RELN: variants seen among roughly 807,000 people sequenced by gnomAD.
RELN encodes the protein reelin.
RELN carries 108 observed loss-of-function variants against 427.6 expected under a neutral mutation model. That is an observed-to-expected ratio of 0.25 (90% CI 0.22 to 0.30). RELN has a LOEUF of 0.30. RELN is among the 10% of genes least tolerant of loss of function. The pLI is 1.00. For missense variants in RELN, 3,715 were observed against 4,302.8 expected (o/e 0.86, Z 3.82); for synonymous variants, 1,524 against 1,513.4 (o/e 1.01, Z -0.16).
chr7:103,905,093 G>C (rs1420948266), intron 2 of RELN, among the ~76,000 whole-genome samples: 2 of 144,442 alleles, frequency 1.4e-5, no homozygotes, highest in Non-Finnish European at 3.0e-5. Flanking sequence ...TGATTCTCCT[G>C]TCTCAGCCTC....
intron 3 of RELN, among the ~76,000 whole-genome samples, chr7:103,813,158 C>A (rs752615860): frequency 5.3e-5 from 8 of 151,972 alleles, no homozygotes; most frequent in Non-Finnish European, 1.0e-4. Flanking sequence ...ACTGGAAACC[C>A]TTTCTCTTTC....
At chr7:103,649,088 T>C (rs977948745) in intron 16 of RELN, among the ~76,000 whole-genome samples, 1 of 152,026 alleles carries the variant, frequency 6.6e-6, no homozygotes, top group African/African-American at 2.4e-5. Context: ...CTACTGAGTA[T>C]CTACCCAAAG....
chr7:103,885,910 C>A (rs569408734), intron 2 of RELN, among the ~76,000 whole-genome samples: 1 of 152,122 alleles, frequency 6.6e-6, no homozygotes, highest in South Asian at 2.1e-4. Flanking sequence ...ATAACTTAAA[C>A]ATTTAATGTC....
chr7:103,640,540 T>C lies in RELN; in HGVS notation c.2069+3A>G, dbSNP rs780911548. 3.1e-6 allele frequency: 5 copies of C among 1,613,778 alleles called. No individual in the cohort carries two copies. Among genetic ancestry groups the C allele is most frequent in the Non-Finnish European group, 4.2e-6 (5 of 1,179,802 alleles). Reference sequence around the variant, plus strand: ...AGCATAAGTGTTATTTTAAGATGCTTACTTGCAACCATGTCTAGTGCACTG... The same window carrying C: ...AGCATAAGTGTTATTTTAAGATGCTCACTTGCAACCATGTCTAGTGCACTG... On this transcript the variant is annotated splice_donor_region_variant and intron_variant, in intron 17 of 64. Coordinates refer to ENST00000428762, the MANE Select transcript of RELN (RefSeq NM_005045.4). This position sits in a 1 kb window ranked among gnomAD's most constrained non-coding sequence, Gnocchi z 4.1.
intron 1 of RELN, among the ~76,000 whole-genome samples, chr7:103,932,685 A>G (rs1036181216): frequency 6.6e-6 from 1 of 152,200 alleles, no homozygotes; most frequent in East Asian, 1.9e-4. Flanking sequence ...CTTCACTGAC[A>G]TAGGATTCCC....
At chr7:103,751,329 C>A (rs757527814) in intron 5 of RELN, among the ~76,000 whole-genome samples, 25 of 152,006 alleles carry the variant, frequency 1.6e-4, no homozygotes, top group Non-Finnish European at 3.4e-4. Context: ...AAATTACTTC[C>A]CAATATCAGG....
At chr7:103,511,032 G>C (rs1829393573) in intron 50 of RELN, 27 bp from the exon 51 acceptor site, 1 of 1,592,506 alleles carries the variant, frequency 6.3e-7, no homozygotes, top group African/African-American at 1.3e-5. Context: ...AAAATTTTAT[G>C]ACAAATTTGT....
chr7:103,916,801 A>C (rs1028224123), intron 2 of RELN, among the ~76,000 whole-genome samples: 3 of 152,124 alleles, frequency 2.0e-5, no homozygotes, highest in African/African-American at 7.2e-5. Context: ...AGAATATGGA[A>C]ATTTACATGA....
Position 103,585,974 on chromosome 7 carries a change from C to T in RELN, c.4145+3622G>A, listed in dbSNP as rs185272416. 6.6e-4 allele frequency among the ~76,000 whole-genome samples: 100 copies of T among 152,148 alleles called. 1 individual carries two copies. The highest frequency in any genetic ancestry group is 2.2e-3 in the African/African-American group (92 of 41,498). On this transcript the variant is annotated intron_variant, in intron 28 of 64. Coordinates refer to ENST00000428762, the MANE Select transcript of RELN (RefSeq NM_005045.4). Reference sequence around the variant, plus strand: ...AAAAACATATGATCATTTCAATAAACGCAGAAAGAGCATTAGATAAAATCC... The same window carrying T: ...AAAAACATATGATCATTTCAATAAATGCAGAAAGAGCATTAGATAAAATCC...
chr7:103,571,753 T>G (rs1288486112), intron 31 of RELN, among the ~76,000 whole-genome samples: 3 of 152,212 alleles, frequency 2.0e-5, no homozygotes, highest in Non-Finnish European at 4.4e-5. Flanking sequence ...CTGCTCCTCC[T>G]ACACAAGGAT....
intron 1 of RELN, among the ~76,000 whole-genome samples, chr7:103,964,160 AAATAAT>A (rs950016844): frequency 6.6e-5 from 10 of 151,930 alleles, no homozygotes; most frequent in East Asian, 1.9e-4. Flanking sequence ...CCCTGTCTCG[AAATAAT>A]AATAATAATA....
chr7:103,591,170 A>ATCAC (rs1338460276), intron 27 of RELN, among the ~76,000 whole-genome samples: 1 of 152,258 alleles, frequency 6.6e-6, no homozygotes, highest in East Asian at 1.9e-4. Flanking sequence ...ATTACCTGCC[A>ATCAC]TCTTATATGA....
At chr7:103,758,244 G>C (rs765953376) in intron 4 of RELN, among the ~76,000 whole-genome samples, 3 of 152,236 alleles carry the variant, frequency 2.0e-5, no homozygotes, top group African/African-American at 7.2e-5. Context: ...CAAGTAACTG[G>C]ACTGAATTGG....
chr7:103,516,796 A>C (rs778494700), intron 49 of RELN, among the ~76,000 whole-genome samples: 3 of 151,926 alleles, frequency 2.0e-5, no homozygotes, highest in Non-Finnish European at 4.4e-5. Flanking sequence ...TTGTTTATAC[A>C]GTATCTCCAT....
intron 20 of RELN, among the ~76,000 whole-genome samples, chr7:103,621,266 C>G (rs113732154): frequency 2.2e-3 from 333 of 152,256 alleles, no homozygotes; most frequent in African/African-American, 7.7e-3. Flanking sequence ...TCTCAGCATA[C>G]TCAGGAATCT....
At chr7:103,574,034 C>T (rs767441668) in intron 30 of RELN, 58 bp downstream of exon 30, 3 of 1,295,692 alleles carry the variant, frequency 2.3e-6, no homozygotes, top group Non-Finnish European at 3.4e-6. Flanking sequence ...TTAAGTTAGA[C>T]TACATCGTGT....
chr7:103,573,415 G>T lies in RELN; in HGVS notation c.4511+677C>A, dbSNP rs1412477328. ...AGCGACTGACAGAGAGTACCTGCTT[G>T]ACAGGCACACCTCTGAGAGAACAAT... On this transcript the variant is annotated intron_variant, in intron 30 of 64. Transcript: ENST00000428762. This position sits in a 1 kb window ranked among gnomAD's most constrained non-coding sequence, Gnocchi z 4.4. Among the ~76,000 whole-genome samples, 1 of 152,154 alleles carries T rather than the reference G, an allele frequency of 6.6e-6. No homozygotes were observed. Among genetic ancestry groups the T allele is most frequent in the African/African-American group, 2.4e-5 (1 of 41,448 alleles).
intron 61 of RELN, 31 bp downstream of exon 61, chr7:103,486,166 T>C (rs775855871): frequency 1.9e-6 from 3 of 1,597,632 alleles, no homozygotes; most frequent in South Asian, 1.1e-5. Context: ...ACTAATTCTA[T>C]GTCTGGACTA....
intron 52 of RELN, 109 bp from the exon 53 acceptor site, chr7:103,501,031 C>T: frequency 1.0e-6 from 1 of 960,484 alleles, no homozygotes; most frequent in Non-Finnish European, 1.7e-6. Context: ...TTAAGATACT[C>T]TTACTAGATG....
Sources: gnomAD v4.1 joint callset for allele counts (sites outside exome capture counted in the v4.1 genomes callset) on GRCh38, gnomAD v4.1.1 for gene constraint, Gnocchi (gnomAD v3.1) non-coding constraint, MANE v1.5 for transcripts, NCBI Gene and HGNC (gene_info 2026-07-23, HGNC 2026-07-21) for gene names.